The following ERCC8 variants were observed in gnomAD, a reference collection of about 807,000 sequenced individuals.
ERCC8 encodes the protein DNA excision repair protein ERCC-8.
A neutral mutation model predicts 54.9 loss-of-function variants in ERCC8; 52 were observed. That is an observed-to-expected ratio of 0.95 (90% CI 0.76 to 1.19). The LOEUF is 1.19. ERCC8 is among the 50% of genes most tolerant of loss of function. ERCC8 has a pLI of 0.00. For missense variants in ERCC8, 514 were observed against 466.1 expected, an observed-to-expected ratio of 1.10 and a Z score of -0.95; for synonymous variants, 146 against 157.2, an observed-to-expected ratio of 0.93 and a Z score of 0.53.
At chr5:60,938,496 G>A (rs1464045869) in intron 1 of ERCC8, among the ~76,000 whole-genome samples, 2 of 151,946 alleles carry the variant, frequency 1.3e-5, no homozygotes, top group African/African-American at 2.4e-5. Context: ...TGGGATTACA[G>A]GCGTGTGCCA....
At chr5:60,918,460 A>T in intron 3 of ERCC8, 72 bp from the exon 4 acceptor site, 2 of 1,339,588 alleles carry the variant, frequency 1.5e-6, no homozygotes, top group Non-Finnish European at 2.1e-6. Flanking sequence ...TATTAAGAAC[A>T]AGTAGTAGTC....
intron 11 of ERCC8, among the ~76,000 whole-genome samples, chr5:60,883,175 T>C (rs1042380045): frequency 6.6e-6 from 1 of 152,204 alleles, no homozygotes; most frequent in African/African-American, 2.4e-5. Context: ...CAAAAATAAA[T>C]GAAAATCATA....
At chr5:60,930,932 C>G (rs1212673734) in intron 1 of ERCC8, among the ~76,000 whole-genome samples, 1 of 151,990 alleles carries the variant, frequency 6.6e-6, no homozygotes, top group Non-Finnish European at 1.5e-5. Context: ...CATGGTGAAA[C>G]CCCGTCTCTA....
At chr5:60,912,747 T>C (rs926812263) in intron 4 of ERCC8, among the ~76,000 whole-genome samples, 3 of 152,122 alleles carry the variant, frequency 2.0e-5, no homozygotes, top group African/African-American at 7.3e-5. Flanking sequence ...ATAGCCCTTA[T>C]TATTTTGAGA....
chr5:60,944,131 G>A (rs942486499), intron 1 of ERCC8, among the ~76,000 whole-genome samples: 1 of 151,582 alleles, frequency 6.6e-6, no homozygotes, highest in Non-Finnish European at 1.5e-5. Flanking sequence ...GCATAGATCT[G>A]GGAATCATTA....
intron 4 of ERCC8, among the ~76,000 whole-genome samples, chr5:60,908,767 C>T (rs1749157015): frequency 6.6e-6 from 1 of 151,770 alleles, no homozygotes; most frequent in African/African-American, 2.4e-5. Flanking sequence ...GCTGTGGTTG[C>T]CCACCATTTC....
chr5:60,925,463 A>G (rs568944077), intron 2 of ERCC8, among the ~76,000 whole-genome samples: 34 of 152,316 alleles, frequency 2.2e-4, no homozygotes, highest in African/African-American at 7.9e-4. Flanking sequence ...TGGTCTTACC[A>G]TGGGCCACTC....
intron 1 of ERCC8, among the ~76,000 whole-genome samples, chr5:60,938,932 T>C (rs1750174535): frequency 6.6e-6 from 1 of 152,230 alleles, no homozygotes; most frequent in Non-Finnish European, 1.5e-5. Context: ...CCTTTAACTT[T>C]TTAACTATTC....
intron 11 of ERCC8, among the ~76,000 whole-genome samples, chr5:60,887,017 T>C (rs1451226021): frequency 6.6e-6 from 1 of 152,172 alleles, no homozygotes. Flanking sequence ...AAAAGTGAGA[T>C]ACCAAGTTGA....
chr5:60,872,581 C>T lies in ERCC8; in HGVS notation c.*2034G>A, dbSNP rs1160793675. 4.6e-5 allele frequency among the ~76,000 whole-genome samples: 7 copies of T among 152,094 alleles called. No homozygotes were observed. Among genetic ancestry groups the T allele is most frequent in the Admixed American group, 2.0e-4 (3 of 15,276 alleles). On this transcript the variant is annotated 3_prime_UTR_variant, in exon 12 of 12. Transcript: ENST00000676185. The stretch of plus-strand genomic sequence containing the variant: ...ACCAGGGAAATGCAAATTAAAACAA[C>T]GAGATACCACCTAACACCTGTTAGA...
intron 4 of ERCC8, chr5:60,915,424 G>T (rs1179613228): frequency 6.6e-6 from 1 of 152,022 alleles, no homozygotes; most frequent in Admixed American, 6.6e-5. Flanking sequence ...CTATTGTAGA[G>T]TTCTGTAATA....
intron 11 of ERCC8, among the ~76,000 whole-genome samples, chr5:60,875,893 CTT>C (rs10661271): frequency 6.6e-6 from 1 of 151,054 alleles, no homozygotes; most frequent in South Asian, 2.1e-4. Context: ...TTTATTTTTT[CTT>C]TTTTTTATTA....
In ERCC8 at chr5:60,887,470, G is replaced by A. The variant is rs774429942; in HGVS notation, c.1092C>T (p.Ser364=). The A allele has an allele frequency of 1.2e-6, 2 of 1,613,722 alleles. No individual in the cohort carries two copies. The highest frequency in any genetic ancestry group is 2.7e-5 in the African/African-American group (2 of 74,916). ...RDCNILAWVP[S]LYEPVPDDDE... The stretch of plus-strand genomic sequence containing the variant: ...CATCATCAGGAACTGGTTCATATAA[G>A]GATGGAACCCAAGCCAGAATGTTGC... Residue 364 remains serine, a synonymous_variant, in exon 11 of 12, where the codon TCC becomes TCT. Coordinates refer to ENST00000676185, the MANE Select transcript of ERCC8 (RefSeq NM_000082.4).
chr5:60,927,867 T>C (rs1026915445), intron 2 of ERCC8, among the ~76,000 whole-genome samples: 3 of 152,192 alleles, frequency 2.0e-5, no homozygotes, highest in African/African-American at 7.2e-5. Flanking sequence ...CATATACTAG[T>C]AGATGAGACC....
chr5:60,883,487 ATAG>A (rs1260470222), intron 11 of ERCC8, among the ~76,000 whole-genome samples: 5 of 152,316 alleles, frequency 3.3e-5, no homozygotes, highest in African/African-American at 1.2e-4. Context: ...CTACTGACAG[ATAG>A]TGTCAATGTT....
Position 60,891,082 on chromosome 5 carries a change from T to A in ERCC8, c.848A>T (p.Asn283Ile), listed in dbSNP as rs1748534283. 1 of 1,597,836 alleles carries A rather than the reference T, an allele frequency of 6.3e-7. No individual in the cohort carries two copies. Among genetic ancestry groups the A allele is most frequent in the Admixed American group, 1.7e-5 (1 of 59,964 alleles). ...NSSNGENTLV[N>I]YGKVCNNSKK... is the part of the protein sequence containing the mutation. The stretch of plus-strand genomic sequence containing the variant: ...ACTGTTATTACAAACTTTTCCATAG[T>A]TCACCTGTAGGATTAAAATAATAAG... Residue 283 changes from asparagine (N) to isoleucine (I), a missense_variant, in exon 10 of 12, where the codon AAC (asparagine) becomes ATC (isoleucine). Transcript: ENST00000676185.
rs1482714941 is a variant in ERCC8, at chr5:60,873,797, C to T, written c.*818G>A. On this transcript the variant is annotated 3_prime_UTR_variant, in exon 12 of 12. Transcript: ENST00000676185. ...GATCAGGAAGGGAAAATTAAGATTA[C>T]CTTCATGATAATCACGTGTGGGTTG... 6.6e-6 allele frequency: 1 copy of T among 152,174 alleles called. No individual in the cohort carries two copies. The highest frequency in any genetic ancestry group is 6.5e-5 in the Admixed American group (1 of 15,272). The allele number at this position is 152,174 out of a possible 1,614,324, so 9.4% of individuals were successfully genotyped here.
At chr5:60,938,821 C>T (rs1367752892) in intron 1 of ERCC8, among the ~76,000 whole-genome samples, 2 of 152,088 alleles carry the variant, frequency 1.3e-5, no homozygotes, top group Non-Finnish European at 1.5e-5. Flanking sequence ...TATATAATGT[C>T]CTTCTTTAAA....
At chr5:60,888,070 C>A (rs998610788) in intron 10 of ERCC8, among the ~76,000 whole-genome samples, 1 of 152,126 alleles carries the variant, frequency 6.6e-6, no homozygotes, top group Non-Finnish European at 1.5e-5. Context: ...TACAGATATG[C>A]TGTTTGCTTA....
Sources: gnomAD v4.1 joint callset for allele counts (sites outside exome capture counted in the v4.1 genomes callset) on GRCh38, gnomAD v4.1.1 for gene constraint, MANE v1.5 for transcripts, NCBI Gene and HGNC (gene_info 2026-07-23, HGNC 2026-07-21) for gene names.